Variants in CLINT1 observed in about 807,000 individuals in gnomAD.
CLINT1 encodes the protein clathrin interactor 1.
In CLINT1, 15 loss-of-function variants were observed where a neutral mutation model predicts 70.4. The ratio of observed to expected loss-of-function variants is 0.21; its 90% CI spans 0.14 to 0.33. CLINT1 has a LOEUF of 0.33. Among genes scored for constraint, CLINT1 ranks in the 10% least tolerant of loss-of-function variants. The pLI, the probability that CLINT1 is intolerant of heterozygous loss-of-function variation, is 1.00. For missense variants in CLINT1, 615 were observed against 778.1 expected (o/e 0.79, Z 2.49); for synonymous variants, 227 against 254.7 (o/e 0.89, Z 1.04).
intron 3 of CLINT1, among the ~76,000 whole-genome samples, chr5:157,815,959 C>T (rs1561652120): frequency 6.6e-6 from 1 of 152,098 alleles, no homozygotes; most frequent in East Asian, 1.9e-4. Context: ...GTGGTATATA[C>T]GACTTTTAAA....
At chr5:157,829,054 A>T (rs1184723358) in intron 1 of CLINT1, among the ~76,000 whole-genome samples, 2 of 151,880 alleles carry the variant, frequency 1.3e-5, no homozygotes, top group East Asian at 3.8e-4. Flanking sequence ...GTGAGTGGAG[A>T]TCACACCATT....
Position 157,813,148 on chromosome 5 carries a change from C to T in CLINT1, c.432G>A (p.Arg144=). The part of the protein sequence containing the change: ...ELVEFAQDDD[R]LREERKKAKK... ...TTGCTTTCTTTCGCTCTTCACGAAG[C>T]CTGTCGTCATCCTGGGCAAATTCAA... The change falls in exon 5 of 12, where the codon AGG becomes AGA. Residue 144 remains arginine (R), a synonymous_variant. Coordinates refer to ENST00000411809, the MANE Select transcript of CLINT1 (RefSeq NM_014666.4). 1 of 1,613,842 alleles carries T rather than the reference C, an allele frequency of 6.2e-7. No homozygotes were observed. The highest frequency in any genetic ancestry group is 8.5e-7 in the Non-Finnish European group (1 of 1,179,848).
At chr5:157,840,807 T>C (rs531150065) in intron 1 of CLINT1, among the ~76,000 whole-genome samples, 1 of 152,130 alleles carries the variant, frequency 6.6e-6, no homozygotes, top group African/African-American at 2.4e-5. Context: ...AAGGCTGAGA[T>C]AAGTGGATTG....
intron 1 of CLINT1, among the ~76,000 whole-genome samples, chr5:157,844,698 A>T (rs1368184064): frequency 1.3e-5 from 2 of 152,218 alleles, no homozygotes; most frequent in Non-Finnish European, 2.9e-5. Context: ...TTGTGCATAA[A>T]TCCTATTCAT....
chr5:157,842,699 C>T (rs1325562167), intron 1 of CLINT1, among the ~76,000 whole-genome samples: 2 of 152,150 alleles, frequency 1.3e-5, no homozygotes, highest in African/African-American at 4.8e-5. Context: ...TATTCCAGTA[C>T]AAGTTCCTCA....
At chr5:157,835,818 CT>C (rs1561666795) in intron 1 of CLINT1, among the ~76,000 whole-genome samples, 2 of 152,142 alleles carry the variant, frequency 1.3e-5, no homozygotes, top group Admixed American at 1.3e-4. Flanking sequence ...CTTGCCAAGA[CT>C]TAAAAAGTTA....
intron 8 of CLINT1, among the ~76,000 whole-genome samples, chr5:157,796,428 CGTCCTTATTTTTGTCT>C (rs1417057501): frequency 6.6e-6 from 1 of 152,084 alleles, no homozygotes; most frequent in Non-Finnish European, 1.5e-5. Context: ...TTTAAATAGT[CGTCCTTATTTTTGTCT>C]GTCCTTAAAG....
chr5:157,790,741 CAT>C, intron 10 of CLINT1: 1 of 408,890 alleles, frequency 2.4e-6, no homozygotes, highest in Admixed American at 2.9e-5. Flanking sequence ...CATTCAGACA[CAT>C]ATTTTCCAAG....
intron 1 of CLINT1, among the ~76,000 whole-genome samples, chr5:157,853,208 A>T (rs566769953): frequency 1.7e-4 from 26 of 151,880 alleles, no homozygotes; most frequent in Non-Finnish European, 3.4e-4. Context: ...GCATGGTGGC[A>T]CATGCCTGTA....
chr5:157,843,810 A>G (rs1753276915), intron 1 of CLINT1, among the ~76,000 whole-genome samples: 1 of 152,214 alleles, frequency 6.6e-6, no homozygotes, highest in South Asian at 2.1e-4. Context: ...TAAGAAAATG[A>G]CAATATGAGA....
At chr5:157,844,592 T>A (rs1359972689) in intron 1 of CLINT1, among the ~76,000 whole-genome samples, 1 of 152,194 alleles carries the variant, frequency 6.6e-6, no homozygotes, top group Non-Finnish European at 1.5e-5. Context: ...GATGTTTACA[T>A]CCTATGCCAG....
At chr5:157,828,245 A>G (rs1235608729) in intron 1 of CLINT1, among the ~76,000 whole-genome samples, 1 of 152,180 alleles carries the variant, frequency 6.6e-6, no homozygotes, top group Non-Finnish European at 1.5e-5. Flanking sequence ...TATTTTCCAG[A>G]GAGGCACTCT....
rs775226376 is a variant in CLINT1, at chr5:157,813,153, C to T, written c.427G>A (p.Asp143Asn). 8 of 1,613,824 alleles carry T rather than the reference C, an allele frequency of 5.0e-6. No individual in the cohort carries two copies. Among genetic ancestry groups the T allele is most frequent in the African/African-American group, 2.7e-5 (2 of 75,022 alleles). Residue 143 changes from aspartate to asparagine, a missense_variant, in exon 5 of 12, where the codon GAC becomes AAC. This residue lies in a region of CLINT1 where 241 missense variants were observed against 368.6 expected (regional missense o/e 0.65). Transcript: ENST00000411809. ...TTCTTTCGCTCTTCACGAAGCCTGTCGTCATCCTGGGCAAATTCAACCAAT... is the reference window on the plus strand; with the variant it reads ...TTCTTTCGCTCTTCACGAAGCCTGTTGTCATCCTGGGCAAATTCAACCAAT... ...KELVEFAQDD[D>N]RLREERKKAK... is the part of the protein sequence containing the mutation.
chr5:157,821,698 C>T (rs1185218725), intron 1 of CLINT1, among the ~76,000 whole-genome samples: 1 of 152,126 alleles, frequency 6.6e-6, no homozygotes, highest in Non-Finnish European at 1.5e-5. Flanking sequence ...TTACTAGGAT[C>T]ACACTGTTTA....
At chr5:157,836,545 A>G (rs913520304) in intron 1 of CLINT1, among the ~76,000 whole-genome samples, 1 of 152,182 alleles carries the variant, frequency 6.6e-6, no homozygotes, top group African/African-American at 2.4e-5. Context: ...AAGCGGTGTC[A>G]TTTTGCTCCC....
At chr5:157,802,540 CTCT>C (rs1269827155) in intron 8 of CLINT1, among the ~76,000 whole-genome samples, 1 of 147,358 alleles carries the variant, frequency 6.8e-6, no homozygotes, top group African/African-American at 2.6e-5. Flanking sequence ...CTGTAGCCCT[CTCT>C]TTTTTTTTTT....
intron 1 of CLINT1, among the ~76,000 whole-genome samples, chr5:157,835,736 C>T (rs1304967300): frequency 6.6e-6 from 1 of 152,092 alleles, no homozygotes; most frequent in African/African-American, 2.4e-5. Flanking sequence ...ACACACAAAG[C>T]CAGCTCTTTT....
At chr5:157,790,764 T>A in intron 10 of CLINT1, 2 of 368,636 alleles carry the variant, frequency 5.4e-6, no homozygotes, top group Non-Finnish European at 1.1e-5. Context: ...CCTGCACTTG[T>A]CTGAATTCTA....
At chr5:157,815,783 C>T (rs1451719080) in intron 3 of CLINT1, among the ~76,000 whole-genome samples, 1 of 152,172 alleles carries the variant, frequency 6.6e-6, no homozygotes, top group Non-Finnish European at 1.5e-5. Context: ...TCCTTGGCTA[C>T]AAACCTGTGC....
Sources: gnomAD v4.1 joint callset for allele counts (sites outside exome capture counted in the v4.1 genomes callset) on GRCh38, gnomAD v4.1.1 for gene constraint, gnomAD v4.1.1 regional missense constraint, MANE v1.5 for transcripts, NCBI Gene and HGNC (gene_info 2026-07-23, HGNC 2026-07-21) for gene names.